PUM2: variants seen among roughly 807,000 people sequenced by gnomAD.
The protein encoded by PUM2 is pumilio homolog 2.
Under a neutral mutation model 124.5 loss-of-function variants are expected in PUM2, and 57 were observed. That is an observed-to-expected ratio of 0.46 (90% CI 0.37 to 0.57). The LOEUF (loss-of-function observed/expected upper bound fraction) is 0.57. PUM2 is among the 20% of genes least tolerant of loss of function. The pLI is 0.00. For synonymous variants in PUM2, 460 were observed against 446.1 expected (o/e 1.03, Z -0.39); for missense variants, 1,065 against 1,290.6 (o/e 0.83, Z 2.68).
chr2:20,253,908 T>C lies in PUM2; in HGVS notation c.2977A>G (p.Met993Val), dbSNP rs1558468646. The stretch of plus-strand genomic sequence containing the variant: ...TAATTGGCATACTGGTCCTTCATCA[T>C]GGTGTATAAGGCACTGTGAGGACCA... Reference protein sequence around the residue: ...NDGPHSALYTMMKDQYANYVV... With the variant: ...NDGPHSALYTVMKDQYANYVV... Residue 993 changes from methionine (M) to valine (V), a missense_variant, in exon 20 of 21, where the codon ATG becomes GTG. By Grantham distance (21) the Met-to-Val change is conservative. Transcript: ENST00000361078. The C allele has an allele frequency of 1.9e-6, 3 of 1,613,864 alleles. No individual in the cohort carries two copies. The highest frequency in any genetic ancestry group is 2.2e-5 in the East Asian group (1 of 44,896).
At chr2:20,281,037 T>C (rs1671388807) in intron 12 of PUM2, among the ~76,000 whole-genome samples, 1 of 152,158 alleles carries the variant, frequency 6.6e-6, no homozygotes, top group Non-Finnish European at 1.5e-5. Flanking sequence ...CATATTATGT[T>C]TTAGAGCTCA....
intron 2 of PUM2, among the ~76,000 whole-genome samples, chr2:20,321,831 A>G (rs976510802): frequency 6.6e-6 from 1 of 152,144 alleles, no homozygotes; most frequent in Non-Finnish European, 1.5e-5. Context: ...AAACTCTAAA[A>G]GAAGGTCAGG....
intron 13 of PUM2, among the ~76,000 whole-genome samples, chr2:20,268,462 A>G (rs966542421): frequency 6.6e-6 from 1 of 152,044 alleles, no homozygotes; most frequent in Non-Finnish European, 1.5e-5. Context: ...ATGTATGTGT[A>G]AAAAAATTAG....
At chr2:20,290,289 T>C (rs1351577872) in intron 10 of PUM2, among the ~76,000 whole-genome samples, 1 of 152,232 alleles carries the variant, frequency 6.6e-6, no homozygotes, top group Admixed American at 6.5e-5. Context: ...TAAAAGATTA[T>C]TCTTATAAAG....
intron 15 of PUM2, 37 bp downstream of exon 15, chr2:20,260,300 T>C (rs750414565): frequency 9.5e-6 from 15 of 1,572,168 alleles, no homozygotes; most frequent in Non-Finnish European, 1.3e-5. Context: ...ATACAACAGC[T>C]GGATGGGCGG....
rs1680288500 is a variant in PUM2 at position 20,313,996 on chromosome 2, A to AGCTGGACAT, written c.161-1582_161-1574dup. On this transcript the variant is annotated intron_variant, in intron 3 of 20. Coordinates refer to ENST00000361078, the MANE Select transcript of PUM2 (RefSeq NM_015317.5). ...CATCTCTACTAAGAATACAAAAATT[A>AGCTGGACAT]GCTGGACATGGTGACGGGCACTTAT... is the stretch of plus-strand genomic sequence containing the variant. Among the ~76,000 whole-genome samples the AGCTGGACAT allele has an allele frequency of 3.3e-5, 5 of 152,102 alleles. No individual in the cohort carries two copies. In the South Asian group the frequency reaches 1.0e-3, roughly 32 times the overall value.
chr2:20,250,416 T>TA lies in PUM2; in HGVS notation c.*1168dup, dbSNP rs1208195789. On this transcript the variant is annotated 3_prime_UTR_variant, in exon 21 of 21. Transcript: ENST00000361078. ...AAAATGCAAATGTATCCCAAAGAGA[T>TA]AAAACAAATTCCATTTACAGCATGA... 3 of 152,442 alleles carry TA rather than the reference T, an allele frequency of 2.0e-5. No individual in the cohort carries two copies. Among genetic ancestry groups the TA allele is most frequent in the Non-Finnish European group, 4.4e-5 (3 of 67,940 alleles). 9.4% of individuals were successfully genotyped at this position (152,442 alleles called of 1,614,324 possible). A position where few individuals can be genotyped will look rare whatever the true frequency, so the allele number is the denominator to read the frequency against.
intron 3 of PUM2, among the ~76,000 whole-genome samples, chr2:20,315,156 C>T (rs1198575833): frequency 2.0e-5 from 3 of 150,470 alleles, no homozygotes; most frequent in Non-Finnish European, 4.4e-5. Context: ...CAGCCTTGAC[C>T]TCCTAAAGTG....
intron 13 of PUM2, among the ~76,000 whole-genome samples, chr2:20,267,887 A>C (rs1668075378): frequency 6.6e-6 from 1 of 152,216 alleles, no homozygotes; most frequent in African/African-American, 2.4e-5. Flanking sequence ...GAAACCAAAA[A>C]TCTGTGGAAG....
rs891374500 is a variant in PUM2 at position 20,254,164 on chromosome 2, G to C, written c.2871-150C>G. ...CTTATGATTACTTTTATTTTATTTT[G>C]TTCTTTTTTTTTTTGAGACAGGGTC... On this transcript the variant is annotated intron_variant, in intron 19 of 20. Transcript: ENST00000361078. 6.6e-6 allele frequency: 5 copies of C among 758,252 alleles called. No individual in the cohort carries two copies. In the African/African-American group the frequency reaches 9.0e-5, roughly 14 times the overall value. 47.0% of individuals were successfully genotyped at this position (758,252 alleles called of 1,614,324 possible).
intron 1 of PUM2, among the ~76,000 whole-genome samples, chr2:20,329,759 T>C (rs1684501894): frequency 6.6e-6 from 1 of 152,180 alleles, no homozygotes; most frequent in Non-Finnish European, 1.5e-5. Context: ...AGATGTTAAG[T>C]GCTCAAGTGC....
At chr2:20,322,408 C>A (rs990656483) in intron 2 of PUM2, among the ~76,000 whole-genome samples, 8 of 151,974 alleles carry the variant, frequency 5.3e-5, no homozygotes, top group South Asian at 2.1e-4. Flanking sequence ...CACTGTGAGA[C>A]CCTGTCTCTT....
intron 13 of PUM2, among the ~76,000 whole-genome samples, chr2:20,263,886 A>G (rs1367611097): frequency 6.6e-6 from 1 of 152,178 alleles, no homozygotes; most frequent in South Asian, 2.1e-4. Flanking sequence ...ATTGAATGTT[A>G]AATCTCTAGT....
At chr2:20,252,064 A>C (rs909218374) in intron 20 of PUM2, among the ~76,000 whole-genome samples, 3 of 152,228 alleles carry the variant, frequency 2.0e-5, no homozygotes, top group African/African-American at 7.2e-5. Context: ...TATAACAATT[A>C]AACAATTAGG....
At chr2:20,296,522 G>A (rs1214141357) in intron 8 of PUM2, among the ~76,000 whole-genome samples, 2 of 151,784 alleles carry the variant, frequency 1.3e-5, no homozygotes, top group African/African-American at 4.8e-5. Flanking sequence ...CAGTCTCCTA[G>A]GAAAATACTG....
rs547274441 is a variant in PUM2, at chr2:20,285,228, C to T, written c.1292-1742G>A. ...TGTTCATTTACCTTCCAATCTTTCT[C>T]AAATCCATCCATTCTCTTGATGGCT... On this transcript the variant is annotated intron_variant, in intron 10 of 20. Transcript: ENST00000361078. Among the ~76,000 whole-genome samples the T allele has an allele frequency of 3.9e-5, 6 of 152,300 alleles. No homozygotes were observed. The South Asian group carries it at 1.2e-3, about 32-fold the overall frequency.
rs752684248 is a variant in PUM2, at chr2:20,312,355, C to T, written c.229G>A (p.Val77Ile). Residue 77 changes from valine to isoleucine, a missense_variant, in exon 4 of 21, where the codon GTA (valine) becomes ATA (isoleucine). Coordinates refer to ENST00000361078, the MANE Select transcript of PUM2 (RefSeq NM_015317.5). ...SGQGFHGNSE[V>I]NAILSPRSES... ...GATCGCGGAGACAGTATTGCATTTA[C>T]TTCACTGTTTCCATGAAAACCCTGT... The T allele has an allele frequency of 3.7e-6, 6 of 1,613,746 alleles. No homozygotes were observed. In the East Asian group the frequency reaches 1.3e-4, roughly 36 times the overall value.
chr2:20,293,129 GAA>G (rs1457965452), intron 9 of PUM2, among the ~76,000 whole-genome samples: 1 of 152,128 alleles, frequency 6.6e-6, no homozygotes, highest in Non-Finnish European at 1.5e-5. Flanking sequence ...AAAACAAGGT[GAA>G]AACTTAGTCT....
At position 20,258,564 on chromosome 2, in the gene PUM2, T is replaced by G. The variant is rs563536222; in HGVS notation, c.2356-193A>C. 3.3e-5 allele frequency among the ~76,000 whole-genome samples: 5 copies of G among 152,228 alleles called. No homozygotes were observed. The East Asian group carries it at 9.6e-4, about 29-fold the overall frequency. On this transcript the variant is annotated intron_variant, in intron 15 of 20. Coordinates refer to ENST00000361078, the MANE Select transcript of PUM2 (RefSeq NM_015317.5). ...TTTTATTACTTCTTTGGGTTAAGTC[T>G]TACTAAAATTTCCTTGTTACTAATA...
Sources: gnomAD v4.1 joint callset for allele counts (sites outside exome capture counted in the v4.1 genomes callset) on GRCh38, gnomAD v4.1.1 for gene constraint, MANE v1.5 for transcripts, NCBI Gene and HGNC (gene_info 2026-07-23, HGNC 2026-07-21) for gene names.